The following RBM39 variants were observed in gnomAD, a reference collection of about 807,000 sequenced individuals.
The protein encoded by RBM39 is RNA binding motif protein 39.
A neutral mutation model predicts 79.6 loss-of-function variants in RBM39; 12 were observed. That is an observed-to-expected ratio of 0.15 (90% CI 0.10 to 0.24). RBM39 has a LOEUF of 0.24. RBM39 is among the 10% of genes least tolerant of loss of function. The pLI is 1.00. For missense variants in RBM39, 243 were observed against 653.4 expected (o/e 0.37, Z 6.85); for synonymous variants, 185 against 208.4 (o/e 0.89, Z 0.97).
In RBM39 at chr20:35,725,001, T is replaced by G. The variant is rs369907056; in HGVS notation, c.534+37A>C. The stretch of plus-strand genomic sequence containing the variant: ...TGTTTACATGTTTTCTCTTGCAATT[T>G]CTACCTACTTGACCTCCCTAAACAG... On this transcript the variant is annotated intron_variant, in intron 7 of 16. Transcript: ENST00000253363. 19 of 1,385,256 alleles carry G rather than the reference T, an allele frequency of 1.4e-5. No individual in the cohort carries two copies. The African/African-American group carries it at 2.6e-4, about 19-fold the overall frequency. 85.8% of individuals were successfully genotyped at this position (1,385,256 alleles called of 1,614,324 possible). A position where few individuals can be genotyped will look rare whatever the true frequency, so the allele number is the denominator to read the frequency against.
intron 9 of RBM39, among the ~76,000 whole-genome samples, 198 bp downstream of exon 9, chr20:35,721,542 T>A (rs1400462034): frequency 6.6e-6 from 1 of 152,238 alleles, no homozygotes; most frequent in South Asian, 2.1e-4. Flanking sequence ...CATGGCATTA[T>A]GAATAACAGT....
chr20:35,713,315 CTCT>C (rs1469352647), intron 11 of RBM39: 18 of 415,366 alleles, frequency 4.3e-5, no homozygotes, highest in Admixed American at 3.5e-4. Context: ...TTGTGAAACT[CTCT>C]TTTTTTTTTG....
At chr20:35,715,055 C>T (rs1406350752) in intron 10 of RBM39, among the ~76,000 whole-genome samples, 2 of 152,168 alleles carry the variant, frequency 1.3e-5, no homozygotes, top group East Asian at 1.9e-4. Context: ...AACAGATTTG[C>T]TATCAACATA....
At chr20:35,734,226 T>C (rs556024447) in intron 3 of RBM39, 1 of 1,303,874 alleles carries the variant, frequency 7.7e-7, no homozygotes, top group Admixed American at 2.3e-5. Context: ...CACAAGGAGA[T>C]GTAGAGCTTT....
At chr20:35,718,022 C>G (rs2037379475) in intron 9 of RBM39, among the ~76,000 whole-genome samples, 1 of 152,076 alleles carries the variant, frequency 6.6e-6, no homozygotes, top group African/African-American at 2.4e-5. Flanking sequence ...CCACGCCCAG[C>G]TAAATTTTTT....
intron 9 of RBM39, among the ~76,000 whole-genome samples, chr20:35,717,900 G>A (rs948976138): frequency 2.0e-5 from 3 of 151,594 alleles, no homozygotes; most frequent in Non-Finnish European, 4.4e-5. Flanking sequence ...GCTCTGTGGC[G>A]CAGGCTGGAG....
chr20:35,702,809 C>A lies in RBM39; in HGVS notation c.*1672G>T, dbSNP rs6060569. 0.19 allele frequency: 28,342 copies of A among 152,128 alleles called. 3,047 individuals carry two copies. The highest frequency in any genetic ancestry group is 0.31 in the African/African-American group (12,716 of 41,416). The allele number at this position is 152,128 out of a possible 1,614,324, so 9.4% of individuals were successfully genotyped here. On this transcript the variant is annotated 3_prime_UTR_variant, in exon 17 of 17. Coordinates refer to ENST00000253363, the MANE Select transcript of RBM39 (RefSeq NM_184234.3). ...ACGGTGGTGCGCACCTGTCCCAGCT[C>A]TTCAGGAGACTGAGGTGGGAGAATT...
At chr20:35,738,075 G>C (rs1002682846) in intron 3 of RBM39, among the ~76,000 whole-genome samples, 3 of 151,610 alleles carry the variant, frequency 2.0e-5, no homozygotes, top group Non-Finnish European at 4.4e-5. Context: ...GGAATCACTT[G>C]AATCTGGGAG....
At chr20:35,724,791 C>T (rs11699044) in intron 7 of RBM39, 69 bp from the exon 8 acceptor site, 169,065 of 1,525,306 alleles carry the variant, frequency 0.11, 10,311 homozygotes, top group African/African-American at 0.23. Context: ...TCAAGAGACA[C>T]TGTTGAAGGA....
At chr20:35,715,305 G>A (rs896776555) in intron 10 of RBM39, among the ~76,000 whole-genome samples, 1 of 152,086 alleles carries the variant, frequency 6.6e-6, no homozygotes, top group Admixed American at 6.6e-5. Context: ...CTCCCTAGAT[G>A]CTAGGATTAT....
intron 8 of RBM39, among the ~76,000 whole-genome samples, chr20:35,723,650 C>G (rs970244501): frequency 6.6e-6 from 1 of 152,150 alleles, no homozygotes; most frequent in Non-Finnish European, 1.5e-5. Context: ...GTTGGCCAGG[C>G]TGGTCTCGAA....
intron 4 of RBM39, 32 bp from the exon 5 acceptor site, chr20:35,729,559 C>G (rs114626059): frequency 6.3e-7 from 1 of 1,597,722 alleles, no homozygotes; most frequent in Non-Finnish European, 8.6e-7. Flanking sequence ...ACACTAGTTA[C>G]AGGTTTAGGG....
chr20:35,711,217 A>G (rs2036366732), intron 12 of RBM39, among the ~76,000 whole-genome samples: 1 of 152,208 alleles, frequency 6.6e-6, no homozygotes, highest in South Asian at 2.1e-4. Context: ...TTAGTGGAAT[A>G]CCTAGAACAT....
At chr20:35,716,441 T>C (rs2037139382) in intron 10 of RBM39, among the ~76,000 whole-genome samples, 1 of 152,218 alleles carries the variant, frequency 6.6e-6, no homozygotes, top group Non-Finnish European at 1.5e-5. Flanking sequence ...TTAACTATTA[T>C]TGTACTTCTA....
chr20:35,731,887 T>A, intron 4 of RBM39, 54 bp downstream of exon 4: 1 of 1,491,320 alleles, frequency 6.7e-7, no homozygotes, highest in Non-Finnish European at 9.3e-7. Flanking sequence ...TAAACTGCCA[T>A]CTGAATACCC....
chr20:35,739,702 A>C (rs1009973806), intron 2 of RBM39: 10 of 343,542 alleles, frequency 2.9e-5, no homozygotes, highest in South Asian at 9.2e-5. Flanking sequence ...CTAAGACACA[A>C]GAATCTTAAC....
At chr20:35,734,373 T>A in intron 3 of RBM39, 1 of 440,252 alleles carries the variant, frequency 2.3e-6, no homozygotes, top group South Asian at 2.2e-5. Flanking sequence ...CATGCCCAGA[T>A]GGGCAATAGG....
Position 35,729,516 on chromosome 20 carries a change from T to G in RBM39, c.308A>C (p.Lys103Thr). ...CTTTCCTCGGATGGCACTGTTAAAT[T>G]TTGGTCCGGAGCTAAAAAGGAAACA... ...GRYRSPYSGPKFNSAIRGKIG... is the reference protein window; with the variant it reads ...GRYRSPYSGPTFNSAIRGKIG... The change falls in exon 5 of 17, where the codon AAA becomes ACA. Residue 103 changes from lysine to threonine, a missense_variant. Transcript: ENST00000253363. The G allele has an allele frequency of 6.2e-7, 1 of 1,614,034 alleles. No individual in the cohort carries two copies. Among genetic ancestry groups the G allele is most frequent in the Non-Finnish European group, 8.5e-7 (1 of 1,179,974 alleles).
At position 35,701,968 on chromosome 20, in the gene RBM39, T is replaced by C. The variant is rs1040429220; in HGVS notation, c.*2513A>G. On this transcript the variant is annotated 3_prime_UTR_variant, in exon 17 of 17. Coordinates refer to ENST00000253363, the MANE Select transcript of RBM39 (RefSeq NM_184234.3). The stretch of plus-strand genomic sequence containing the variant: ...ACAGTTCATCCACTGTAAAAAAAAA[T>C]AGAAACTTCTGTAGCTTCTCAACTG... 6.6e-6 allele frequency: 1 copy of C among 151,050 alleles called. No individual in the cohort carries two copies. Among genetic ancestry groups the C allele is most frequent in the East Asian group, 1.9e-4 (1 of 5,186 alleles). 9.4% of individuals were successfully genotyped at this position (151,050 alleles called of 1,614,324 possible).
Sources: allele counts gnomAD v4.1 joint callset (sites outside exome capture counted in the v4.1 genomes callset), GRCh38; gene constraint gnomAD v4.1.1; transcripts MANE v1.5; gene names NCBI Gene and HGNC (gene_info 2026-07-23, HGNC 2026-07-21).